Variants in RBM19 observed in about 807,000 individuals in gnomAD.
RBM19 encodes the protein RNA binding motif protein 19, also known as probable RNA-binding protein 19.
A neutral mutation model predicts 116.8 loss-of-function variants in RBM19; 94 were observed. The ratio of observed to expected loss-of-function variants is 0.80; its 90% CI spans 0.68 to 0.95. The LOEUF is 0.95. Ranked by LOEUF, RBM19 falls within the 40% of genes least tolerant of loss-of-function variation. The pLI is 0.00. For missense variants in RBM19, 1,161 were observed against 1,220.7 expected, an observed-to-expected ratio of 0.95 and a Z score of 0.73; for synonymous variants, 475 against 494.1, an observed-to-expected ratio of 0.96 and a Z score of 0.51.
intron 21 of RBM19, among the ~76,000 whole-genome samples, chr12:113,891,277 C>T (rs553647521): frequency 7.2e-5 from 11 of 152,236 alleles, no homozygotes; most frequent in Non-Finnish European, 1.5e-4. Context: ...TTTTATTCAT[C>T]CAGCCAACTC....
chr12:113,875,487 T>C (rs1879606058), intron 21 of RBM19, among the ~76,000 whole-genome samples: 1 of 152,156 alleles, frequency 6.6e-6, no homozygotes, highest in African/African-American at 2.4e-5. Context: ...GAATGGACTC[T>C]GGAAGGCTGG....
intron 13 of RBM19, among the ~76,000 whole-genome samples, chr12:113,943,958 C>T (rs1870790490): frequency 6.6e-6 from 1 of 152,014 alleles, no homozygotes; most frequent in Admixed American, 6.5e-5. Context: ...GCTCACATTC[C>T]CTAATGGACA....
intron 21 of RBM19, among the ~76,000 whole-genome samples, chr12:113,884,735 G>A (rs954998720): frequency 6.6e-6 from 1 of 151,930 alleles, no homozygotes; most frequent in Admixed American, 6.6e-5. Flanking sequence ...TATCTCCATA[G>A]AAAACACTTA....
rs778254633 is a variant in RBM19 at position 113,950,196 on chromosome 12, C to A, written c.1001-42G>T. On this transcript the variant is annotated intron_variant, in intron 8 of 23. Coordinates refer to ENST00000261741, the MANE Select transcript of RBM19 (RefSeq NM_016196.4). ...ACAGAGGTAAAATCTGCAGGCCTTG[C>A]AGACACTTGTGGTGGTCCCCAGAGG... 6 of 1,504,812 alleles carry A rather than the reference C, an allele frequency of 4.0e-6. No homozygotes were observed. The African/African-American group carries it at 5.5e-5, about 14-fold the overall frequency. The allele number at this position is 1,504,812 out of a possible 1,614,324, so 93.2% of individuals were successfully genotyped here.
chr12:113,923,364 T>C (rs1305736872), intron 18 of RBM19, among the ~76,000 whole-genome samples: 1 of 152,106 alleles, frequency 6.6e-6, no homozygotes, highest in African/African-American at 2.4e-5. Flanking sequence ...GGCACCTTGA[T>C]CTTAGACTTC....
At chr12:113,877,262 G>T (rs1879737279) in intron 21 of RBM19, among the ~76,000 whole-genome samples, 1 of 152,356 alleles carries the variant, frequency 6.6e-6, no homozygotes, top group South Asian at 2.1e-4. Context: ...GGTTGGAACT[G>T]TGCTGTCCCA....
rs150722912 is a variant in RBM19, at chr12:113,915,146, T to C, written c.2442-61A>G. The C allele has an allele frequency of 1.3e-4, 162 of 1,277,214 alleles. No homozygotes were observed. In the African/African-American group the frequency reaches 1.5e-3, roughly 12 times the overall value. The allele number at this position is 1,277,214 out of a possible 1,614,324, so 79.1% of individuals were successfully genotyped here. ...GAGCTTCAGCAGCTCCTGCCCAACA[T>C]TGACTCCACTACGCCTCCATCAGAA... On this transcript the variant is annotated intron_variant, in intron 20 of 23. Transcript: ENST00000261741.
In RBM19 at chr12:113,825,331, C is replaced by G. The variant is rs576268473; in HGVS notation, c.2786-2010G>C. Among the ~76,000 whole-genome samples the G allele has an allele frequency of 6.1e-5, 9 of 147,394 alleles. No individual in the cohort carries two copies. The highest frequency in any genetic ancestry group is 7.5e-5 in the African/African-American group (3 of 39,750). The stretch of plus-strand genomic sequence containing the variant: ...TTAATCATGAAAAGGGAGAGGGGGA[C>G]AGGGTGGGCTGGGGTGGTGGGGGCT... On this transcript the variant is annotated intron_variant, in intron 23 of 23. Transcript: ENST00000261741. The surrounding 1 kb of genome is among the most constrained non-coding windows in gnomAD (Gnocchi z 5.7).
At chr12:113,896,970 G>A (rs1881377706) in intron 21 of RBM19, among the ~76,000 whole-genome samples, 1 of 152,190 alleles carries the variant, frequency 6.6e-6, no homozygotes, top group Admixed American at 6.5e-5. Flanking sequence ...AGATGTGGCT[G>A]TTTTTCCTCA....
intron 3 of RBM19, 45 bp from the exon 4 acceptor site, chr12:113,959,948 G>C (rs1342189081): frequency 4.3e-6 from 7 of 1,613,848 alleles, no homozygotes; most frequent in African/African-American, 2.7e-5. Flanking sequence ...CAGATGAAGA[G>C]AGCTGGGAAA....
At chr12:113,888,778 C>A (rs1014942) in intron 21 of RBM19, among the ~76,000 whole-genome samples, 94,351 of 152,084 alleles carry the variant, frequency 0.62, 30,310 homozygotes, top group African/African-American at 0.78. Flanking sequence ...CTTCATCTCT[C>A]AAATGGAGGT....
chr12:113,879,723 G>A (rs1774890483), intron 21 of RBM19, among the ~76,000 whole-genome samples: 1 of 152,052 alleles, frequency 6.6e-6, no homozygotes, highest in Admixed American at 6.5e-5. Flanking sequence ...TTCCTCCCTA[G>A]GCTGCTGGGG....
At position 113,952,608 on chromosome 12, in the gene RBM19, T is replaced by C. The variant is rs1414712015; in HGVS notation, c.922-18A>G. 2.5e-6 allele frequency: 4 copies of C among 1,605,826 alleles called. No homozygotes were observed. Among genetic ancestry groups the C allele is most frequent in the Non-Finnish European group, 2.6e-6 (3 of 1,172,536 alleles). The stretch of plus-strand genomic sequence containing the variant: ...ACATTTTTCTGTGAGAAGAAGTTTT[T>C]TTCCCCTTACCAACCACATAATAAA... On this transcript the variant is annotated intron_variant, in intron 7 of 23. Coordinates refer to ENST00000261741, the MANE Select transcript of RBM19 (RefSeq NM_016196.4).
At chr12:113,926,253 G>A (rs909278135) in intron 17 of RBM19, among the ~76,000 whole-genome samples, 3 of 152,118 alleles carry the variant, frequency 2.0e-5, no homozygotes, top group African/African-American at 4.8e-5. Context: ...CCCCATGATC[G>A]AATTTTAGGG....
intron 21 of RBM19, among the ~76,000 whole-genome samples, chr12:113,907,357 G>A (rs56932044): frequency 0.079 from 12,040 of 152,170 alleles, 551 homozygotes; most frequent in East Asian, 0.11. Flanking sequence ...TCCCAGTGCC[G>A]AGCAATGCAC....
intron 21 of RBM19, among the ~76,000 whole-genome samples, chr12:113,907,907 C>T (rs1406511541): frequency 6.6e-6 from 1 of 152,174 alleles, no homozygotes; most frequent in African/African-American, 2.4e-5. Context: ...AAGCACCAGG[C>T]AATAATGAGC....
At chr12:113,901,653 C>T (rs1341196137) in intron 21 of RBM19, among the ~76,000 whole-genome samples, 1 of 152,096 alleles carries the variant, frequency 6.6e-6, no homozygotes, top group African/African-American at 2.4e-5. Flanking sequence ...GGACGACAGG[C>T]GCCTGCCACC....
chr12:113,893,710 A>T (rs1004163247), intron 21 of RBM19, among the ~76,000 whole-genome samples: 2 of 152,230 alleles, frequency 1.3e-5, no homozygotes, highest in Non-Finnish European at 2.9e-5. Flanking sequence ...TCAGCGTTTT[A>T]AAGAATCTAG....
At chr12:113,900,270 T>C (rs1383922356) in intron 21 of RBM19, among the ~76,000 whole-genome samples, 1 of 152,214 alleles carries the variant, frequency 6.6e-6, no homozygotes, top group Non-Finnish European at 1.5e-5. Context: ...TGGTTTGGGA[T>C]TGCTCGACCA....
Sources: gnomAD v4.1 joint callset for allele counts (sites outside exome capture counted in the v4.1 genomes callset) on GRCh38, gnomAD v4.1.1 for gene constraint, Gnocchi (gnomAD v3.1) non-coding constraint, MANE v1.5 for transcripts, NCBI Gene and HGNC (gene_info 2026-07-23, HGNC 2026-07-21) for gene names.